The following TSPAN7 variants were observed in gnomAD, a reference collection of about 807,000 sequenced individuals.
TSPAN7 encodes the protein tetraspanin 7.
A neutral mutation model predicts 17.6 loss-of-function variants in TSPAN7; 1 was observed. The observed-to-expected ratio is 0.06, with a 90% CI of 0.02 to 0.27. TSPAN7 has a LOEUF of 0.27. Ranked by LOEUF, TSPAN7 falls within the 10% of genes least tolerant of loss-of-function variation. TSPAN7 has a pLI of 1.00. For missense variants in TSPAN7, 112 were observed against 201.7 expected (o/e 0.56, Z 2.69); for synonymous variants, 78 against 79.0 (o/e 0.99, Z 0.07).
chrX:38,634,230 G>A (rs2069566953), intron 1 of TSPAN7, among the ~76,000 whole-genome samples: 1 of 111,843 alleles, frequency 8.9e-6, no homozygotes, highest in African/African-American at 3.3e-5. Flanking sequence ...AGAGACTACT[G>A]AGGTATTCGA....
intron 1 of TSPAN7, among the ~76,000 whole-genome samples, chrX:38,599,729 A>G (rs2069336082): frequency 9.0e-6 from 1 of 111,567 alleles, no homozygotes; most frequent in South Asian, 3.7e-4. Flanking sequence ...GGCATTATTC[A>G]AAGAAAAGCA....
intron 1 of TSPAN7, among the ~76,000 whole-genome samples, chrX:38,570,141 C>CTAAT (rs1161111122): frequency 9.0e-6 from 1 of 111,414 alleles, no homozygotes; most frequent in African/African-American, 3.3e-5. Flanking sequence ...GTCTTCTGAC[C>CTAAT]TAATTCGGAC....
At chrX:38,583,048 A>G (rs918097262) in intron 1 of TSPAN7, among the ~76,000 whole-genome samples, 1 of 111,864 alleles carries the variant, frequency 8.9e-6, no homozygotes, top group Non-Finnish European at 1.9e-5. Flanking sequence ...TATCCCATCC[A>G]TTCTGTTGAA....
intron 1 of TSPAN7, among the ~76,000 whole-genome samples, chrX:38,603,950 C>A (rs1177279255): frequency 9.7e-6 from 1 of 103,286 alleles, no homozygotes; most frequent in Non-Finnish European, 2.0e-5. Context: ...TATACCTGTG[C>A]CATGCTGGTG....
intron 4 of TSPAN7, 119 bp from the exon 5 acceptor site, chrX:38,675,586 C>A: frequency 1.2e-6 from 1 of 853,029 alleles, no homozygotes; most frequent in Non-Finnish European, 1.7e-6. Context: ...CTCACCAAAG[C>A]TGCACATGTT....
At chrX:38,581,721 AC>A (rs1285820587) in intron 1 of TSPAN7, among the ~76,000 whole-genome samples, 1 of 111,856 alleles carries the variant, frequency 8.9e-6, no homozygotes, top group Non-Finnish European at 1.9e-5. Context: ...AAACAAAATT[AC>A]CTTGTGCCTA....
chrX:38,614,197 C>T (rs1364643363), intron 1 of TSPAN7, among the ~76,000 whole-genome samples: 4 of 111,270 alleles, frequency 3.6e-5, no homozygotes, highest in Non-Finnish European at 7.5e-5. Flanking sequence ...AAGGGTAGAA[C>T]TGTTGTTTCT....
At chrX:38,645,559 A>T (rs887896346) in intron 1 of TSPAN7, among the ~76,000 whole-genome samples, 3 of 111,946 alleles carry the variant, frequency 2.7e-5, no homozygotes, top group African/African-American at 9.8e-5. Context: ...GAAGGAAAAA[A>T]AAAAAAGAAA....
chrX:38,626,128 G>C (rs1256144358), intron 1 of TSPAN7, among the ~76,000 whole-genome samples: 1 of 112,117 alleles, frequency 8.9e-6, no homozygotes, highest in African/African-American at 3.2e-5. Flanking sequence ...TACTAAAGAA[G>C]TGAGAGCTGG....
At chrX:38,620,937 C>A (rs1342771045) in intron 1 of TSPAN7, among the ~76,000 whole-genome samples, 2 of 112,199 alleles carry the variant, frequency 1.8e-5, no homozygotes, top group Non-Finnish European at 3.8e-5. Context: ...TAGCAGAAGC[C>A]CAGTAAATAT....
Position 38,674,296 on chromosome X carries a change from G to A in TSPAN7, c.421G>A (p.Val141Met). 8.4e-7 allele frequency: 1 copy of A among 1,194,842 alleles called. No homozygotes were observed. Among genetic ancestry groups the A allele is most frequent in the Non-Finnish European group, 1.1e-6 (1 of 885,919 alleles). ...TGGCAATGATGAGAGGAGCCGGGCAGTGGACCATGTGCAGCGCAGCGTAAG... is the reference window on the plus strand; with the variant it reads ...TGGCAATGATGAGAGGAGCCGGGCAATGGACCATGTGCAGCGCAGCGTAAG... ...YNGNDERSRA[V>M]DHVQRSLSCC... is the part of the protein sequence containing the mutation. The change falls in exon 4 of 8, where the codon GTG becomes ATG. Residue 141 changes from valine (V) to methionine (M), a missense_variant. Val to Met is a conservative substitution (Grantham distance 21). Coordinates refer to ENST00000378482, the MANE Select transcript of TSPAN7 (RefSeq NM_004615.4).
At position 38,667,506 on chromosome X, in the gene TSPAN7, C is replaced by A. The variant is rs187698508; in HGVS notation, c.270+1197C>A. On this transcript the variant is annotated intron_variant, in intron 2 of 7. Coordinates refer to ENST00000378482, the MANE Select transcript of TSPAN7 (RefSeq NM_004615.4). Reference sequence around the variant, plus strand: ...CCCTAGGTTGTAGTAACATTTAATACCATCTAGTGATATATGTGGGTGTGA... The same window carrying A: ...CCCTAGGTTGTAGTAACATTTAATAACATCTAGTGATATATGTGGGTGTGA... 4.4e-4 allele frequency among the ~76,000 whole-genome samples: 49 copies of A among 112,210 alleles called. No homozygotes were observed. The East Asian group carries it at 0.013, about 29-fold the overall frequency.
chrX:38,678,646 C>T (rs1479295811), intron 5 of TSPAN7, among the ~76,000 whole-genome samples: 2 of 111,806 alleles, frequency 1.8e-5, no homozygotes, highest in Admixed American at 9.5e-5. Flanking sequence ...CAGTAAATAA[C>T]GGAAAAATCC....
At chrX:38,687,434 C>T (rs377477854) in intron 6 of TSPAN7, among the ~76,000 whole-genome samples, 165 bp from the exon 7 acceptor site, 18 of 111,482 alleles carry the variant, frequency 1.6e-4, no homozygotes, top group African/African-American at 5.2e-4. Flanking sequence ...GTGCCCTTTC[C>T]CCATTTACAT....
intron 1 of TSPAN7, among the ~76,000 whole-genome samples, chrX:38,603,953 T>C (rs1380278702): frequency 1.9e-5 from 2 of 104,334 alleles, no homozygotes; most frequent in Non-Finnish European, 3.9e-5. Flanking sequence ...ACCTGTGCCA[T>C]GCTGGTGTGC....
chrX:38,566,329 G>A (rs2069143565), intron 1 of TSPAN7: 1 of 957,122 alleles, frequency 1.0e-6, no homozygotes, highest in African/African-American at 2.0e-5. Flanking sequence ...CAGGTCTATA[G>A]AAGAGGAGGG....
intron 1 of TSPAN7, among the ~76,000 whole-genome samples, chrX:38,615,043 G>A (rs1181981641): frequency 9.1e-6 from 1 of 109,806 alleles, no homozygotes; most frequent in Non-Finnish European, 1.9e-5. Flanking sequence ...ACCAAATTAT[G>A]TATCAAAAAC....
chrX:38,649,999 C>T (rs937050083), intron 1 of TSPAN7, among the ~76,000 whole-genome samples: 2 of 112,145 alleles, frequency 1.8e-5, no homozygotes, highest in Non-Finnish European at 3.8e-5. Context: ...AATTTGTGTT[C>T]AAGGCTGCTC....
At chrX:38,681,390 T>C in intron 6 of TSPAN7, 103 bp downstream of exon 6, 1 of 687,333 alleles carries the variant, frequency 1.5e-6, no homozygotes, top group Non-Finnish European at 2.4e-6. Context: ...GAAAAGCTGA[T>C]AGATGGGGTC....
Sources: allele counts gnomAD v4.1 joint callset (sites outside exome capture counted in the v4.1 genomes callset), GRCh38; gene constraint gnomAD v4.1.1; transcripts MANE v1.5; gene names NCBI Gene and HGNC (gene_info 2026-07-23, HGNC 2026-07-21).